Variants in PRKDC observed in about 807,000 individuals in gnomAD.
PRKDC encodes the protein DNA-dependent protein kinase catalytic subunit.
A neutral mutation model predicts 486.9 loss-of-function variants in PRKDC; 82 were observed. The observed-to-expected ratio is 0.17, with a 90% confidence interval of 0.14 to 0.20. The LOEUF is 0.20. PRKDC is among the 10% of genes least tolerant of loss of function. PRKDC has a pLI of 1.00. For synonymous variants in PRKDC, 1,895 were observed against 1,837.0 expected, an observed-to-expected ratio of 1.03 and a Z score of -0.81; for missense variants, 4,504 against 5,038.2, an observed-to-expected ratio of 0.89 and a Z score of 3.21.
chr8:47,936,211 A>T, intron 12 of PRKDC, 142 bp downstream of exon 12: 1 of 957,020 alleles, frequency 1.0e-6, no homozygotes, highest in Non-Finnish European at 1.5e-6. Context: ...CATGACAATA[A>T]TTCTATTGCC....
In PRKDC at chr8:47,799,311, G is replaced by A. The variant is rs751076981; in HGVS notation, c.10196C>T (p.Pro3399Leu). Residue 3399 changes from proline to leucine, a missense_variant, in exon 72 of 86, where the codon CCC becomes CTC. Physicochemically the swap from Pro to Leu is moderately conservative, Grantham distance 98 (BLOSUM62 -3). Transcript: ENST00000314191. ...VQAAEEEAQP[P>L]SWSCGPAAGV... ...AGCTGCAGGCCCACAGCTCCAGGAG[G>A]GAGGCTGGGCCTCCTCCTCAGCCGC... 3.1e-6 allele frequency: 5 copies of A among 1,613,064 alleles called. No individual in the cohort carries two copies. In the Admixed American group the frequency reaches 6.7e-5, roughly 22 times the overall value.
rs780788349 is a variant in PRKDC, at chr8:47,929,834, T to C, written c.2052+19A>G. 24 of 1,584,910 alleles carry C rather than the reference T, an allele frequency of 1.5e-5. No homozygotes were observed. Among genetic ancestry groups the C allele is most frequent in the Admixed American group, 7.9e-5 (4 of 50,586 alleles). On this transcript the variant is annotated intron_variant, in intron 18 of 85. Coordinates refer to ENST00000314191, the MANE Select transcript of PRKDC (RefSeq NM_006904.7). ...ACCTAAAAAAACGCAAGATTCAACA[T>C]CCTGCAAGAAAGACTCACCTCGAAA...
At chr8:47,776,790 G>GA (rs2086615781) in intron 85 of PRKDC, 54 bp downstream of exon 85, 2 of 1,600,310 alleles carry the variant, frequency 1.2e-6, no homozygotes, top group Non-Finnish European at 1.7e-6. Context: ...GGCTCCTCGA[G>GA]AAACAGTAGC....
chr8:47,934,320 C>A (rs2090309219), intron 14 of PRKDC, among the ~76,000 whole-genome samples: 4 of 152,186 alleles, frequency 2.6e-5, no homozygotes, highest in Non-Finnish European at 4.4e-5. Context: ...GGCGGATCAC[C>A]TGAGGTCAAG....
intron 25 of PRKDC, among the ~76,000 whole-genome samples, chr8:47,907,533 C>CTTTT (rs1028272336): frequency 4.5e-5 from 6 of 133,144 alleles, no homozygotes; most frequent in African/African-American, 8.3e-5. Flanking sequence ...ATTTATATAC[C>CTTTT]TTTTTTTTTT....
rs779091453 is a variant in PRKDC at position 47,933,061 on chromosome 8, A to G, written c.1735T>C (p.Leu579=). The G allele has an allele frequency of 6.3e-7, 1 of 1,598,352 alleles. No individual in the cohort carries two copies. Among genetic ancestry groups the G allele is most frequent in the Non-Finnish European group, 8.5e-7 (1 of 1,174,158 alleles). Residue 579 remains leucine, a synonymous_variant, in exon 16 of 86, where the codon TTG becomes CTG. Coordinates refer to ENST00000314191, the MANE Select transcript of PRKDC (RefSeq NM_006904.7). ...GTCTGTATTTCAAGTGTAAGATCCA[A>G]TTTCTCAACAATCTTCAAAACGGAT... ...VKSVLKIVEK[L]DLTLEIQTVG...
intron 73 of PRKDC, among the ~76,000 whole-genome samples, chr8:47,796,564 T>C (rs967349534): frequency 6.6e-6 from 1 of 151,414 alleles, no homozygotes; most frequent in Non-Finnish European, 1.5e-5. Flanking sequence ...TTGTTTCTTA[T>C]ATGTGTTGCA....
At chr8:47,800,656 A>G (rs1164410058) in intron 71 of PRKDC, 137 bp downstream of exon 71, 1 of 596,090 alleles carries the variant, frequency 1.7e-6, no homozygotes, top group Non-Finnish European at 2.6e-6. Context: ...AAATAAAAAG[A>G]AAATTGGCTG....
chr8:47,838,583 G>A lies in PRKDC; in HGVS notation c.7553+565C>T, dbSNP rs370086493. ...GCTACAGTTACACTACTGCACTCCA[G>A]CCTGGGTGCCAGAGCAAGACCTCAT... On this transcript the variant is annotated intron_variant, in intron 56 of 85. Coordinates refer to ENST00000314191, the MANE Select transcript of PRKDC (RefSeq NM_006904.7). 2.2e-4 allele frequency among the ~76,000 whole-genome samples: 33 copies of A among 152,334 alleles called. 1 individual carries two copies. Among genetic ancestry groups the A allele is most frequent in the Middle Eastern group, 3.4e-3 (1 of 294 alleles).
intron 23 of PRKDC, 80 bp from the exon 24 acceptor site, chr8:47,914,144 T>TCTAATGCCAGCTGTTCTA (rs1457635742): frequency 8.2e-7 from 1 of 1,217,684 alleles, no homozygotes; most frequent in Non-Finnish European, 1.1e-6. Flanking sequence ...TCAAAACATT[T>TCTAATGCCAGCTGTTCTA]CTAATGCCAG....
At chr8:47,933,667 G>C (rs920297986) in intron 15 of PRKDC, among the ~76,000 whole-genome samples, 1 of 152,148 alleles carries the variant, frequency 6.6e-6, no homozygotes, top group South Asian at 2.1e-4. Context: ...GGCTGGACCT[G>C]TTAGGAAGAA....
intron 40 of PRKDC, among the ~76,000 whole-genome samples, chr8:47,870,786 G>T (rs1168641146): frequency 6.6e-6 from 1 of 152,158 alleles, no homozygotes; most frequent in Non-Finnish European, 1.5e-5. Context: ...CTTTCAGACA[G>T]AGAATTCAAA....
In PRKDC at chr8:47,927,819, T is replaced by C; in HGVS notation, c.2211A>G (p.Pro737=). ...ASCLTFLLSL[P]HNIIELDVRA... is the part of the protein sequence containing the mutation. Reference sequence around the variant, plus strand: ...TAACATCGAGTTCAATGATGTTGTGTGGCAAGGACAGAAGAAAGGTCAAAC... The same window carrying C: ...TAACATCGAGTTCAATGATGTTGTGCGGCAAGGACAGAAGAAAGGTCAAAC... Residue 737 remains proline, a synonymous_variant, in exon 20 of 86, where the codon CCA becomes CCG. Transcript: ENST00000314191. The C allele has an allele frequency of 6.3e-7, 1 of 1,592,660 alleles. No individual in the cohort carries two copies. Among genetic ancestry groups the C allele is most frequent in the South Asian group, 1.2e-5 (1 of 86,482 alleles).
chr8:47,918,092 T>C (rs574092339), intron 22 of PRKDC, among the ~76,000 whole-genome samples, 185 bp downstream of exon 22: 1 of 152,256 alleles, frequency 6.6e-6, no homozygotes, highest in African/African-American at 2.4e-5. Context: ...CTCACCCTCC[T>C]AAAGTGCTGG....
intron 21 of PRKDC, 173 bp downstream of exon 21, chr8:47,927,021 C>A: frequency 1.5e-6 from 1 of 674,744 alleles, no homozygotes; most frequent in South Asian, 2.5e-5. Context: ...AACTATATTT[C>A]TTTATCACAA....
chr8:47,821,641 G>C lies in PRKDC; in HGVS notation c.9074C>G (p.Pro3025Arg), dbSNP rs769501304. The C allele has an allele frequency of 3.1e-6, 5 of 1,601,828 alleles. No homozygotes were observed. Among genetic ancestry groups the C allele is most frequent in the East Asian group, 4.5e-5 (2 of 44,652 alleles). The part of the protein sequence containing the change: ...STASIDSENP[P>R]DLNKIWSEPF... ...TTCACTCCAGATTTTATTTAGGTCT[G>C]GGGGGTTCTCACTGTCTATACTGGC... is the stretch of plus-strand genomic sequence containing the variant. Residue 3025 changes from proline to arginine, a missense_variant, in exon 65 of 86, where the codon CCA (proline) becomes CGA (arginine). Pro to Arg is a moderately radical substitution (Grantham distance 103, BLOSUM62 -2). Transcript: ENST00000314191.
chr8:47,813,146 C>A (rs2087371321), intron 68 of PRKDC, among the ~76,000 whole-genome samples: 1 of 150,914 alleles, frequency 6.6e-6, no homozygotes, highest in South Asian at 2.1e-4. Context: ...GAGACAGAAT[C>A]TTGCTCTGTC....
Position 47,854,629 on chromosome 8 carries a change from G to A in PRKDC, c.6762-415C>T, listed in dbSNP as rs368989078. ...AGCCGGGATTAAGGCGTGAGCCACC[G>A]TGCCCGGCCAAATACAGAATTTTCT... On this transcript the variant is annotated intron_variant, in intron 50 of 85. Coordinates refer to ENST00000314191, the MANE Select transcript of PRKDC (RefSeq NM_006904.7). Among the ~76,000 whole-genome samples, 45 of 152,362 alleles carry A rather than the reference G, an allele frequency of 3.0e-4. No homozygotes were observed. In the South Asian group the frequency reaches 6.0e-3, roughly 20 times the overall value.
Position 47,857,906 on chromosome 8 carries a change from C to CT in PRKDC, c.6466-608_6466-607insA, listed in dbSNP as rs2088581539. 2.0e-5 allele frequency among the ~76,000 whole-genome samples: 3 copies of CT among 152,126 alleles called. 1 individual carries two copies. In the South Asian group the frequency reaches 6.2e-4, roughly 32 times the overall value. ...TTCCCTGGTGCTCAATGAATGAGCC[C>CT]AACCCTCTGCATAGCTCTGGATGGC... On this transcript the variant is annotated intron_variant, in intron 48 of 85. Transcript: ENST00000314191.
Sources: allele counts gnomAD v4.1 joint callset (sites outside exome capture counted in the v4.1 genomes callset), GRCh38; gene constraint gnomAD v4.1.1; transcripts MANE v1.5; gene names NCBI Gene and HGNC (gene_info 2026-07-23, HGNC 2026-07-21).